The following SEC23IP variants were observed in gnomAD, a reference collection of about 807,000 sequenced individuals.
SEC23IP encodes the protein SEC23 interacting protein.
A neutral mutation model predicts 113.4 loss-of-function variants in SEC23IP; 70 were observed. The observed-to-expected ratio is 0.62, with a 90% CI of 0.51 to 0.75. The LOEUF is 0.75. SEC23IP is among the 30% of genes least tolerant of loss of function. The pLI is 0.00. For missense variants in SEC23IP, 1,160 were observed against 1,204.9 expected, an observed-to-expected ratio of 0.96 and a Z score of 0.55; for synonymous variants, 398 against 421.0, an observed-to-expected ratio of 0.95 and a Z score of 0.67.
rs1362502357 is a variant in SEC23IP at position 119,914,805 on chromosome 10, G to C, written c.1388G>C (p.Ser463Thr). The C allele has an allele frequency of 4.3e-5, 69 of 1,613,826 alleles. No individual in the cohort carries two copies. The highest frequency in any genetic ancestry group is 5.7e-5 in the Non-Finnish European group (67 of 1,179,816). The change falls in exon 7 of 19, where the codon AGC (serine) becomes ACC (threonine). Residue 463 changes from serine to threonine, a missense_variant. Coordinates refer to ENST00000369075, the MANE Select transcript of SEC23IP (RefSeq NM_007190.4). ...CCTGTGTGTGACTTACGCTTTAGGA[G>C]CATTATTGAGTGTGGTAAGTGTTGG... ...IGPVCDLRFR[S>T]IIECVDDFRV...
chr10:119,898,957 C>G lies in SEC23IP; in HGVS notation c.694C>G (p.Pro232Ala), dbSNP rs541985104. ...CCAGATGCCTCCAGGATCTTTGCCA[C>G]CGGTATGGAGACATGATTTTGTGTC... is the stretch of plus-strand genomic sequence containing the variant. ...MYQMPPGSLP[P>A]VPSSVQSPAQ... is the part of the protein sequence containing the mutation. Residue 232 changes from proline (P) to alanine (A), a missense_variant and splice_region_variant, in exon 2 of 19, where the codon CCG becomes GCG. By Grantham distance (27) the Pro-to-Ala change is conservative. Transcript: ENST00000369075. 1.9e-6 allele frequency: 3 copies of G among 1,577,490 alleles called. No individual in the cohort carries two copies. The highest frequency in any genetic ancestry group is 1.7e-5 in the Admixed American group (1 of 57,688).
intron 12 of SEC23IP, among the ~76,000 whole-genome samples, chr10:119,922,535 G>T (rs1160302006): frequency 1.3e-5 from 2 of 152,164 alleles, no homozygotes; most frequent in Non-Finnish European, 2.9e-5. Context: ...TGGAGAGTTT[G>T]CTTGGTCACA....
chr10:119,916,266 C>A (rs1463737599), intron 8 of SEC23IP, among the ~76,000 whole-genome samples: 1 of 152,176 alleles, frequency 6.6e-6, no homozygotes, highest in African/African-American at 2.4e-5. Context: ...TGGCTGAGAA[C>A]CACAGATTCA....
chr10:119,911,014 G>T, intron 5 of SEC23IP, among the ~76,000 whole-genome samples: 1 of 148,042 alleles, frequency 6.8e-6, no homozygotes, highest in Non-Finnish European at 1.5e-5. Flanking sequence ...TAAACATTTT[G>T]CATACTACAT....
Position 119,915,731 on chromosome 10 carries a change from T to A in SEC23IP, c.1403-17T>A. The A allele has an allele frequency of 6.7e-7, 1 of 1,500,622 alleles. No individual in the cohort carries two copies. Among genetic ancestry groups the A allele is most frequent in the Non-Finnish European group, 8.9e-7 (1 of 1,121,388 alleles). The allele number at this position is 1,500,622 out of a possible 1,614,324, so 93.0% of individuals were successfully genotyped here. On this transcript the variant is annotated splice_polypyrimidine_tract_variant and intron_variant, in intron 7 of 18. Coordinates refer to ENST00000369075, the MANE Select transcript of SEC23IP (RefSeq NM_007190.4). ...GAGAATTTAATTTATTTTCTCTTTT[T>A]TTTTTTTCTTTTGAAGTGGATGATT...
chr10:119,936,994 T>A (rs183177429), intron 18 of SEC23IP, among the ~76,000 whole-genome samples: 1 of 152,068 alleles, frequency 6.6e-6, no homozygotes, highest in African/African-American at 2.4e-5. Flanking sequence ...TTCATGCCAT[T>A]CTCTTGCCTT....
At chr10:119,933,538 C>T in intron 17 of SEC23IP, 148 bp from the exon 18 acceptor site, 1 of 607,708 alleles carries the variant, frequency 1.6e-6, no homozygotes, top group South Asian at 2.1e-5. Flanking sequence ...GATTACGCTG[C>T]TTTATTTATT....
At chr10:119,906,106 TC>T (rs1854654104) in intron 4 of SEC23IP, among the ~76,000 whole-genome samples, 1 of 151,498 alleles carries the variant, frequency 6.6e-6, no homozygotes, top group Non-Finnish European at 1.5e-5. Flanking sequence ...AAAAACCCCG[TC>T]TCTACAAAAA....
intron 5 of SEC23IP, among the ~76,000 whole-genome samples, chr10:119,909,934 A>T (rs1167189790): frequency 6.6e-6 from 1 of 152,246 alleles, no homozygotes; most frequent in Non-Finnish European, 1.5e-5. Flanking sequence ...GTTTATGGCA[A>T]CATGATAACT....
rs1389152493 is a variant in SEC23IP at position 119,941,821 on chromosome 10, G to A, written c.*1256G>A. ...TTTCATTTTGAGTACCTGCTTATATGGTCAGTATGTAACGTTAGCATTGGC... is the reference window on the plus strand; with the variant it reads ...TTTCATTTTGAGTACCTGCTTATATAGTCAGTATGTAACGTTAGCATTGGC... On this transcript the variant is annotated 3_prime_UTR_variant, in exon 19 of 19. Coordinates refer to ENST00000369075, the MANE Select transcript of SEC23IP (RefSeq NM_007190.4). 6.6e-6 allele frequency: 1 copy of A among 152,582 alleles called. No individual in the cohort carries two copies. The highest frequency in any genetic ancestry group is 1.9e-4 in the East Asian group (1 of 5,194). 9.5% of individuals were successfully genotyped at this position (152,582 alleles called of 1,614,324 possible).
intron 16 of SEC23IP, among the ~76,000 whole-genome samples, chr10:119,932,699 T>C (rs1053492579): frequency 6.6e-6 from 1 of 152,242 alleles, no homozygotes; most frequent in African/African-American, 2.4e-5. Context: ...TGACATGCAA[T>C]GTGAAGGTCA....
At chr10:119,897,301 T>C (rs1854311424) in intron 1 of SEC23IP, among the ~76,000 whole-genome samples, 2 of 152,142 alleles carry the variant, frequency 1.3e-5, no homozygotes, top group African/African-American at 4.8e-5. Flanking sequence ...ACTTTTGAGG[T>C]GATATACAGG....
intron 8 of SEC23IP, among the ~76,000 whole-genome samples, chr10:119,916,350 C>CTTAG (rs1340336788): frequency 6.6e-6 from 1 of 152,168 alleles, no homozygotes; most frequent in African/African-American, 2.4e-5. Context: ...ACTTAACTTC[C>CTTAG]TTAGTGTAAA....
At chr10:119,892,992 G>A (rs751818476) in intron 1 of SEC23IP, 47 bp downstream of exon 1, 1 of 1,570,834 alleles carries the variant, frequency 6.4e-7, no homozygotes. Flanking sequence ...GCGGGCGGGG[G>A]ACGTGCAATG....
rs1855626541 is a variant in SEC23IP at position 119,932,140 on chromosome 10, A to G, written c.2580A>G (p.Lys860=). Residue 860 remains lysine (K), a synonymous_variant, in exon 16 of 19, where the codon AAA becomes AAG. Transcript: ENST00000369075. ...KGRKRLHLEL[K]ESLSRMGSDL... is the part of the protein sequence containing the mutation. ...TCATCTTAATCTCTTTAGAATTGAA[A>G]GAGAGTCTCTCTCGTATGGGATCTG... 2 of 1,605,176 alleles carry G rather than the reference A, an allele frequency of 1.2e-6. No homozygotes were observed. Among genetic ancestry groups the G allele is most frequent in the Non-Finnish European group, 1.7e-6 (2 of 1,172,536 alleles).
intron 4 of SEC23IP, 102 bp downstream of exon 4, chr10:119,904,379 A>G: frequency 2.0e-6 from 2 of 1,009,360 alleles, no homozygotes; most frequent in South Asian, 1.4e-5. Flanking sequence ...TACTTACAAG[A>G]CAGCTTGTTT....
At chr10:119,940,318 G>T (rs919696803) in intron 18 of SEC23IP, among the ~76,000 whole-genome samples, 1 of 151,768 alleles carries the variant, frequency 6.6e-6, no homozygotes, top group African/African-American at 2.4e-5. Context: ...CTCCAGAGTA[G>T]CTGGGATTAC....
chr10:119,937,769 T>C (rs888538877), intron 18 of SEC23IP, among the ~76,000 whole-genome samples: 1 of 152,208 alleles, frequency 6.6e-6, no homozygotes, highest in Non-Finnish European at 1.5e-5. Flanking sequence ...GAGAACAATT[T>C]AACTTTTTTC....
At chr10:119,906,283 G>GAAAAAA (rs59914110) in intron 4 of SEC23IP, among the ~76,000 whole-genome samples, 1 of 114,834 alleles carries the variant, frequency 8.7e-6, no homozygotes, top group Non-Finnish European at 1.8e-5. Context: ...CCTTGTCTCA[G>GAAAAAA]AAAAAAAAAA....
Sources: gnomAD v4.1 joint callset for allele counts (sites outside exome capture counted in the v4.1 genomes callset) on GRCh38, gnomAD v4.1.1 for gene constraint, MANE v1.5 for transcripts, NCBI Gene and HGNC (gene_info 2026-07-23, HGNC 2026-07-21) for gene names.